Variants in PDE1C observed in about 807,000 individuals in gnomAD.
The protein encoded by PDE1C is dual specificity calcium/calmodulin-dependent 3',5'-cyclic nucleotide phosphodiesterase 1C.
A neutral mutation model predicts 93.1 loss-of-function variants in PDE1C; 62 were observed. The observed-to-expected ratio is 0.67, with a 90% CI of 0.54 to 0.82. PDE1C has a LOEUF of 0.82. PDE1C is among the 40% of genes least tolerant of loss of function. PDE1C has a pLI of 0.00. For missense variants in PDE1C, 742 were observed against 884.6 expected, an observed-to-expected ratio of 0.84 and a Z score of 2.04; for synonymous variants, 325 against 310.1, an observed-to-expected ratio of 1.05 and a Z score of -0.50.
chr7:32,195,836 A>G (rs1002395249), intron 2 of PDE1C, among the ~76,000 whole-genome samples: 1 of 152,210 alleles, frequency 6.6e-6, no homozygotes, highest in Non-Finnish European at 1.5e-5. Flanking sequence ...TAGAAGTTCA[A>G]GTTCCCTACT....
At chr7:31,978,575 G>A (rs534690872) in intron 2 of PDE1C, among the ~76,000 whole-genome samples, 83 of 152,292 alleles carry the variant, frequency 5.5e-4, no homozygotes, top group African/African-American at 1.8e-3. Context: ...TGGAGCTGAA[G>A]GATTGACCTA....
upstream of PDE1C, among the ~76,000 whole-genome samples, chr7:32,301,850 C>T (rs1477005762): frequency 6.6e-6 from 1 of 152,210 alleles, no homozygotes; most frequent in Non-Finnish European, 1.5e-5. Flanking sequence ...TTAATGTCTG[C>T]AGATGAAATC....
intron 2 of PDE1C, among the ~76,000 whole-genome samples, chr7:32,192,992 T>C (rs1804344293): frequency 6.6e-6 from 1 of 152,162 alleles, no homozygotes; most frequent in Non-Finnish European, 1.5e-5. Context: ...ATTTTGTATG[T>C]TTATCTTATA....
At chr7:31,620,333 T>C in the PDE1C span, among the ~76,000 whole-genome samples, 28 of 151,678 alleles carry the variant, frequency 1.8e-4, no homozygotes, top group East Asian at 2.5e-3. Flanking sequence ...CCCTGACCCC[T>C]GAGCAGCCTA....
At chr7:31,663,058 A>T in the PDE1C span, among the ~76,000 whole-genome samples, 1 of 152,150 alleles carries the variant, frequency 6.6e-6, no homozygotes, top group Non-Finnish European at 1.5e-5. Flanking sequence ...TATGCCACTT[A>T]TAACTCCCGG....
chr7:32,165,746 A>C (rs1802211024), intron 3 of PDE1C, among the ~76,000 whole-genome samples: 1 of 152,196 alleles, frequency 6.6e-6, no homozygotes, highest in South Asian at 2.1e-4. Flanking sequence ...CACAGACCCA[A>C]ACCATATCAA....
At chr7:31,962,979 T>A (rs1002762690) in intron 2 of PDE1C, among the ~76,000 whole-genome samples, 7 of 152,204 alleles carry the variant, frequency 4.6e-5, no homozygotes, top group African/African-American at 1.7e-4. Flanking sequence ...GTTTAGCCCC[T>A]TTAAAAAATA....
chr7:32,299,056 T>C (rs1812808144), exon 1 of PDE1C: 2 of 1,127,376 alleles, frequency 1.8e-6, no homozygotes, highest in East Asian at 5.4e-5. Flanking sequence ...GGCTGACCGG[T>C]GGGCGCGGAG....
intron 3 of PDE1C, among the ~76,000 whole-genome samples, chr7:32,147,472 G>A (rs913856488): frequency 1.3e-5 from 2 of 152,080 alleles, no homozygotes; most frequent in African/African-American, 4.8e-5. Context: ...CATTAATTAT[G>A]CCTTTTTTGA....
chr7:32,005,555 CAA>C (rs59246166), intron 2 of PDE1C, among the ~76,000 whole-genome samples: 19 of 50,760 alleles, frequency 3.7e-4, no homozygotes, highest in African/African-American at 1.0e-3. Context: ...GACTCCATTT[CAA>C]AAAAAAAAAA....
At chr7:31,712,286 G>GTGAATGAATGAA in the PDE1C span, among the ~76,000 whole-genome samples, 5,396 of 151,376 alleles carry the variant, frequency 0.036, 314 homozygotes, top group African/African-American at 0.12. Context: ...GAGTGAGTGA[G>GTGAATGAATGAA]TGAATGAATG....
chr7:31,910,524 G>C (rs1583916626), intron 2 of PDE1C, among the ~76,000 whole-genome samples: 4 of 152,302 alleles, frequency 2.6e-5, no homozygotes, highest in Admixed American at 2.6e-4. Flanking sequence ...AAACCAAGAA[G>C]AGACTTTTCA....
intron 1 of PDE1C, among the ~76,000 whole-genome samples, chr7:32,382,697 G>A (rs562191864): frequency 1.3e-5 from 2 of 152,296 alleles, no homozygotes; most frequent in South Asian, 2.1e-4. Context: ...TTCAGTGTGC[G>A]AGCACTTCCC....
chr7:32,170,080 G>A (rs1490722339), intron 2 of PDE1C: 21 of 815,866 alleles, frequency 2.6e-5, no homozygotes, highest in South Asian at 1.4e-4. Context: ...CACCATCTCC[G>A]CCAACATTAC....
chr7:32,136,214 T>G (rs1398636844), intron 3 of PDE1C, among the ~76,000 whole-genome samples: 2 of 152,186 alleles, frequency 1.3e-5, no homozygotes, highest in Non-Finnish European at 2.9e-5. Flanking sequence ...TGGAGAAGGA[T>G]GTGCTCATTA....
intron 1 of PDE1C, among the ~76,000 whole-genome samples, chr7:32,309,191 T>C (rs547219092): frequency 3.9e-5 from 6 of 151,986 alleles, no homozygotes; most frequent in African/African-American, 1.4e-4. Flanking sequence ...AGAAGGGAAG[T>C]TTAGAGAAAA....
At chr7:31,963,548 C>T (rs1809389157) in intron 2 of PDE1C, among the ~76,000 whole-genome samples, 1 of 152,114 alleles carries the variant, frequency 6.6e-6, no homozygotes, top group African/African-American at 2.4e-5. Context: ...GACTGGTATT[C>T]TTTTTCTCCC....
intron 2 of PDE1C, among the ~76,000 whole-genome samples, chr7:31,891,535 A>G (rs763939233): frequency 1.4e-4 from 21 of 152,220 alleles, no homozygotes; most frequent in Non-Finnish European, 2.9e-4. Flanking sequence ...ATTTTGACAA[A>G]AATGAGACAG....
At chr7:32,273,356 T>C (rs928424259) in intron 1 of PDE1C, among the ~76,000 whole-genome samples, 3 of 152,232 alleles carry the variant, frequency 2.0e-5, no homozygotes, top group Non-Finnish European at 2.9e-5. Context: ...GAAAAAGTCT[T>C]GGTCCTGTGC....
Sources: allele counts gnomAD v4.1 joint callset (sites outside exome capture counted in the v4.1 genomes callset), GRCh38; gene constraint gnomAD v4.1.1; transcripts MANE v1.5; gene names NCBI Gene and HGNC (gene_info 2026-07-23, HGNC 2026-07-21).